PDK3: variants seen among roughly 807,000 people sequenced by gnomAD.
PDK3 encodes the protein pyruvate dehydrogenase kinase 3.
Under a neutral mutation model 32.0 loss-of-function variants are expected in PDK3, and 12 were observed. That is an observed-to-expected ratio of 0.37 (90% CI 0.24 to 0.61). The LOEUF is 0.61. Among genes scored for constraint, PDK3 ranks in the 20% least tolerant of loss-of-function variants. The pLI is 0.65. For missense variants in PDK3, 188 were observed against 316.9 expected, an observed-to-expected ratio of 0.59 and a Z score of 3.09; for synonymous variants, 122 against 116.3, an observed-to-expected ratio of 1.05 and a Z score of -0.31.
chrX:24,518,837 GCACACACACA>G lies in PDK3; in HGVS notation c.596-62_596-53del, dbSNP rs3222401. The G allele has an allele frequency of 0.14, 50,469 of 350,058 alleles. 2,178 individuals carry two copies. Among genetic ancestry groups the G allele is most frequent in the African/African-American group, 0.34 (11,802 of 34,435 alleles). The allele number at this position is 350,058 out of a possible 1,213,427, so 28.8% of individuals were successfully genotyped here. ...CCTATAGATATATACATGCACATGTGCACACACACACACACACACACACACACACACACAC... is the reference window on the plus strand; with the variant it reads ...CCTATAGATATATACATGCACATGTGCACACACACACACACACACACACAC... On this transcript the variant is annotated intron_variant, in intron 5 of 10. Transcript: ENST00000379162.
At chrX:24,466,110 T>G (rs1940061564) in intron 1 of PDK3, among the ~76,000 whole-genome samples, 2 of 110,954 alleles carry the variant, frequency 1.8e-5, no homozygotes, top group South Asian at 7.6e-4. Flanking sequence ...CTTAGATGCT[T>G]GGGAAGAGCG....
chrX:24,514,531 T>C (rs754146031), intron 5 of PDK3, among the ~76,000 whole-genome samples: 1 of 112,239 alleles, frequency 8.9e-6, no homozygotes, highest in Admixed American at 9.5e-5. Flanking sequence ...ATTTAAAAAA[T>C]AGAAAAGTTT....
exon 12 of PDK3, chrX:24,546,537 C>A (rs1922999934): frequency 9.0e-6 from 1 of 110,608 alleles, no homozygotes; most frequent in African/African-American, 3.3e-5. Context: ...ATATTTTGGT[C>A]ACAGAATTCC....
chrX:24,537,968 C>A (rs1193774653), downstream of PDK3, among the ~76,000 whole-genome samples: 1 of 112,053 alleles, frequency 8.9e-6, no homozygotes, highest in Non-Finnish European at 1.9e-5. Flanking sequence ...TGGATCATAT[C>A]AATTTCTGTT....
At chrX:24,541,210 C>T (rs751880333) in exon 12 of PDK3, among the ~76,000 whole-genome samples, 16 of 108,199 alleles carry the variant, frequency 1.5e-4, no homozygotes, top group African/African-American at 5.1e-4. Context: ...TGCGCCCAGC[C>T]GACCCTAGCT....
downstream of PDK3, among the ~76,000 whole-genome samples, chrX:24,538,158 C>A (rs1166954807): frequency 8.9e-6 from 1 of 111,960 alleles, no homozygotes; most frequent in African/African-American, 3.2e-5. Flanking sequence ...ATTTTAAAGG[C>A]AATTTTTAAA....
chrX:24,495,130 T>A (rs1378586981), intron 2 of PDK3, among the ~76,000 whole-genome samples: 1 of 112,411 alleles, frequency 8.9e-6, no homozygotes, highest in Non-Finnish European at 1.9e-5. Context: ...TTTTCTTGTG[T>A]GTGGTGGGAT....
intron 5 of PDK3, among the ~76,000 whole-genome samples, chrX:24,513,884 A>G (rs1164269635): frequency 8.9e-6 from 1 of 111,910 alleles, no homozygotes; most frequent in Non-Finnish European, 1.9e-5. Context: ...GCACTTTTCT[A>G]ATGTTTTCTG....
At chrX:24,478,958 A>G (rs926880122) in intron 1 of PDK3, among the ~76,000 whole-genome samples, 1 of 112,282 alleles carries the variant, frequency 8.9e-6, no homozygotes, top group Admixed American at 9.4e-5. Context: ...CCATACCATG[A>G]AGTTAAATAT....
intron 4 of PDK3, 54 bp downstream of exon 4, chrX:24,503,565 C>T (rs1921914829): frequency 2.3e-6 from 2 of 883,929 alleles, no homozygotes; most frequent in Non-Finnish European, 1.5e-6. Flanking sequence ...GTGATTTCTC[C>T]CAAATGTTTT....
intron 5 of PDK3, among the ~76,000 whole-genome samples, chrX:24,508,839 A>G (rs372355920): frequency 4.5e-5 from 5 of 111,004 alleles, no homozygotes; most frequent in South Asian, 3.8e-4. Flanking sequence ...CAGCCTCCCA[A>G]ATAGCTGGGA....
At chrX:24,495,270 C>G (rs1411252304) in intron 2 of PDK3, among the ~76,000 whole-genome samples, 1 of 112,142 alleles carries the variant, frequency 8.9e-6, no homozygotes, top group Non-Finnish European at 1.9e-5. Context: ...AAAGGGGAAC[C>G]TCAGATTGGA....
intron 1 of PDK3, among the ~76,000 whole-genome samples, chrX:24,480,513 C>T (rs1248971006): frequency 8.9e-6 from 1 of 112,082 alleles, no homozygotes; most frequent in Non-Finnish European, 1.9e-5. Context: ...AAATCAATTG[C>T]TGCGGGTAGG....
At chrX:24,508,734 A>G (rs902768958) in intron 5 of PDK3, among the ~76,000 whole-genome samples, 15 of 109,830 alleles carry the variant, frequency 1.4e-4, no homozygotes, top group Non-Finnish European at 2.3e-4. Flanking sequence ...TTTTTTGGAG[A>G]TGGAGTCTCG....
intron 6 of PDK3, among the ~76,000 whole-genome samples, chrX:24,520,087 G>A (rs1018048012): frequency 9.0e-6 from 1 of 111,630 alleles, no homozygotes; most frequent in Admixed American, 9.5e-5. Context: ...CAGCTACTTG[G>A]GAGACTGAGG....
At chrX:24,466,492 G>A (rs768378598) in intron 1 of PDK3, among the ~76,000 whole-genome samples, 1 of 112,134 alleles carries the variant, frequency 8.9e-6, no homozygotes, top group Non-Finnish European at 1.9e-5. Flanking sequence ...AGGGGAAATC[G>A]TAGGGTGTCT....
chrX:24,514,518 C>T (rs944652250), intron 5 of PDK3, among the ~76,000 whole-genome samples: 1 of 111,492 alleles, frequency 9.0e-6, no homozygotes, highest in Non-Finnish European at 1.9e-5. Flanking sequence ...ATTTTGATTT[C>T]TAATTTAAAA....
intron 6 of PDK3, among the ~76,000 whole-genome samples, chrX:24,521,613 C>A (rs963865190): frequency 9.0e-6 from 1 of 111,439 alleles, no homozygotes; most frequent in Non-Finnish European, 1.9e-5. Context: ...TAACAAATTG[C>A]TCTTTTGCGT....
chrX:24,473,267 G>A (rs937615426), intron 1 of PDK3, among the ~76,000 whole-genome samples: 3 of 104,967 alleles, frequency 2.9e-5, no homozygotes, highest in African/African-American at 6.9e-5. Context: ...CCAGGTACTC[G>A]GGAGGCTGAG....
Sources: gnomAD v4.1 joint callset for allele counts (sites outside exome capture counted in the v4.1 genomes callset) on GRCh38, gnomAD v4.1.1 for gene constraint, MANE v1.5 for transcripts, NCBI Gene and HGNC (gene_info 2026-07-23, HGNC 2026-07-21) for gene names.